The following PRSS50 variants were observed in gnomAD, a reference collection of about 807,000 sequenced individuals.
The protein encoded by PRSS50 is serine protease 50.
Under a neutral mutation model 34.2 loss-of-function variants are expected in PRSS50, and 23 were observed. That is an observed-to-expected ratio of 0.67 (90% CI 0.48 to 0.95). The LOEUF (loss-of-function observed/expected upper bound fraction) is 0.95. Among genes scored for constraint, PRSS50 ranks in the 40% least tolerant of loss-of-function variants. The pLI, the probability that PRSS50 is intolerant of heterozygous loss-of-function variation, is 0.00. For synonymous variants in PRSS50, 224 were observed against 211.2 expected (o/e 1.06, Z -0.53); for missense variants, 484 against 513.4 (o/e 0.94, Z 0.55).
Position 46,715,705 on chromosome 3 carries a change from G to A in PRSS50, c.308-8C>T, listed in dbSNP as rs111927665. 72 of 1,584,956 alleles carry A rather than the reference G, an allele frequency of 4.5e-5. No individual in the cohort carries two copies. The African/African-American group carries it at 5.4e-4, about 12-fold the overall frequency. ...CGTAGGAAAAGCCACAGGCTGAGGA[G>A]GAAGGTGAGAGCTTGATGAGGGATG... On this transcript the variant is annotated splice_polypyrimidine_tract_variant and splice_region_variant and intron_variant, in intron 2 of 5. Coordinates refer to ENST00000315170, the MANE Select transcript of PRSS50 (RefSeq NM_013270.5). This position sits in a 1 kb window ranked among gnomAD's most constrained non-coding sequence, Gnocchi z 5.2.
At position 46,716,347 on chromosome 3, in the gene PRSS50, C is replaced by T. The variant is rs1471022737; in HGVS notation, c.308-650G>A. ...CATTGTTCACTGTAACCTCAAACTC[C>T]TAGGCTCAAATGATCTTCCCACCTC... is the stretch of plus-strand genomic sequence containing the variant. On this transcript the variant is annotated intron_variant, in intron 2 of 5. Transcript: ENST00000315170. This position sits in a 1 kb window ranked among gnomAD's most constrained non-coding sequence, Gnocchi z 4.4. Among the ~76,000 whole-genome samples, 1 of 152,162 alleles carries T rather than the reference C, an allele frequency of 6.6e-6. No homozygotes were observed.
In PRSS50 at chr3:46,714,480, C is replaced by A; in HGVS notation, c.492G>T (p.Val164=). 1 of 1,602,180 alleles carries A rather than the reference C, an allele frequency of 6.2e-7. No homozygotes were observed. Reference sequence around the variant, plus strand: ...GGTCAATCCACGGACTCCCCACCCTCACTGAGTAGATAACATCACGCCTAG... The same window carrying A: ...GGTCAATCCACGGACTCCCCACCCTAACTGAGTAGATAACATCACGCCTAG... ...CLIWRDVIYS[V]RVGSPWIDQM... is the part of the protein sequence containing the mutation. Residue 164 remains valine (V), a synonymous_variant, in exon 4 of 6, where the codon GTG becomes GTT. Coordinates refer to ENST00000315170, the MANE Select transcript of PRSS50 (RefSeq NM_013270.5).
rs770264881 is a variant in PRSS50, at chr3:46,715,514, C to T, written c.470+21G>A. On this transcript the variant is annotated intron_variant, in intron 3 of 5. Transcript: ENST00000315170. The surrounding 1 kb of genome is among the most constrained non-coding windows in gnomAD (Gnocchi z 5.2). ...CAGCTCCAAATACCTCTCCACCCAC[C>T]CCACCTCAGCCTTGACTCACCAGAT... is the stretch of plus-strand genomic sequence containing the variant. 1 of 1,600,842 alleles carries T rather than the reference C, an allele frequency of 6.2e-7. No homozygotes were observed. The highest frequency in any genetic ancestry group is 8.6e-7 in the Non-Finnish European group (1 of 1,169,270).
In PRSS50 at chr3:46,714,503, TA is replaced by T. The variant is rs750426836; in HGVS notation, c.471-3del. ...CTCACTGAGTAGATAACATCACGCC[TA>T]GGGGGGCCGTGAGGGGAGGCCATGA... On this transcript the variant is annotated splice_polypyrimidine_tract_variant and splice_region_variant and intron_variant, in intron 3 of 5. Transcript: ENST00000315170. The T allele has an allele frequency of 1.1e-5, 17 of 1,575,660 alleles. No homozygotes were observed. Among genetic ancestry groups the T allele is most frequent in the African/African-American group, 8.1e-5 (6 of 74,318 alleles).
At chr3:46,712,822 C>T (rs1320708370) in intron 5 of PRSS50, 79 bp downstream of exon 5, 1 of 1,451,752 alleles carries the variant, frequency 6.9e-7, no homozygotes, top group East Asian at 2.4e-5. Flanking sequence ...TACCCAACCT[C>T]CACCGTTCCG....
rs541103621 is a variant in PRSS50, at chr3:46,714,510, G to T, written c.471-9C>A. On this transcript the variant is annotated splice_polypyrimidine_tract_variant and intron_variant, in intron 3 of 5. Transcript: ENST00000315170. ...AGTAGATAACATCACGCCTAGGGGG[G>T]CCGTGAGGGGAGGCCATGATCAGCT... The T allele has an allele frequency of 4.5e-6, 7 of 1,563,414 alleles. No homozygotes were observed. The African/African-American group carries it at 6.8e-5, about 15-fold the overall frequency.
intron 4 of PRSS50, among the ~76,000 whole-genome samples, chr3:46,713,693 C>A (rs916858024): frequency 4.6e-5 from 7 of 152,240 alleles, no homozygotes; most frequent in African/African-American, 1.7e-4. Flanking sequence ...TCTAGGGTCC[C>A]CTGGATGTTC....
chr3:46,717,674 G>A lies in PRSS50; in HGVS notation c.107-37C>T, dbSNP rs1182871194. On this transcript the variant is annotated intron_variant, in intron 1 of 5. Transcript: ENST00000315170. The surrounding 1 kb of genome is among the most constrained non-coding windows in gnomAD (Gnocchi z 4.5). ...GTCGAGCGGATTAGAGGTGGAAGGC[G>A]AGGGCCGCGTCAGGCGGGTGGGGTA... 1 of 1,604,504 alleles carries A rather than the reference G, an allele frequency of 6.2e-7. No individual in the cohort carries two copies. Among genetic ancestry groups the A allele is most frequent in the South Asian group, 1.1e-5 (1 of 89,856 alleles).
chr3:46,713,129 C>T (rs1157179097), intron 4 of PRSS50, 62 bp from the exon 5 acceptor site: 38 of 1,575,086 alleles, frequency 2.4e-5, no homozygotes, highest in Admixed American at 3.4e-5. Context: ...GCCAGCCTCA[C>T]TCGTCCTCTC....
rs531511173 is a variant in PRSS50 at position 46,715,243 on chromosome 3, C to A, written c.470+292G>T. On this transcript the variant is annotated intron_variant, in intron 3 of 5. Transcript: ENST00000315170. The surrounding 1 kb of genome is among the most constrained non-coding windows in gnomAD (Gnocchi z 5.2). ...GGGGGTGAAATGAAAGAACTAGGAG[C>A]TTCTTCCCGTGGAGAGGAGGCATGA... is the stretch of plus-strand genomic sequence containing the variant. Among the ~76,000 whole-genome samples, 42 of 152,328 alleles carry A rather than the reference C, an allele frequency of 2.8e-4. No homozygotes were observed. The East Asian group carries it at 2.9e-3, about 10-fold the overall frequency.
rs1447286047 is a variant in PRSS50, at chr3:46,714,329, C to T, written c.643G>A (p.Glu215Lys). Residue 215 changes from glutamate (E) to lysine (K), a missense_variant, in exon 4 of 6, where the codon GAA becomes AAA. Transcript: ENST00000315170. ...NDIGLLKLKQ[E>K]LKYSNYVRPI... ...CGCACGTAATTGCTGTACTTGAGTT[C>T]CTGCTTGAGCTTGAGGAGGCCGATG... The T allele has an allele frequency of 1.4e-5, 23 of 1,614,022 alleles. No homozygotes were observed. Among genetic ancestry groups the T allele is most frequent in the Non-Finnish European group, 1.9e-5 (23 of 1,180,052 alleles).
rs1700689220 is a variant in PRSS50 at position 46,716,732 on chromosome 3, A to G, written c.307+705T>C. Among the ~76,000 whole-genome samples the G allele has an allele frequency of 6.6e-6, 1 of 152,194 alleles. No homozygotes were observed. Among genetic ancestry groups the G allele is most frequent in the South Asian group, 2.1e-4 (1 of 4,830 alleles). On this transcript the variant is annotated intron_variant, in intron 2 of 5. Transcript: ENST00000315170. This position sits in a 1 kb window ranked among gnomAD's most constrained non-coding sequence, Gnocchi z 4.4. ...CCGCTTTGGAAAACAATTTCTCTAGATTGAAGATGCACATATCCAACATCT... is the reference window on the plus strand; with the variant it reads ...CCGCTTTGGAAAACAATTTCTCTAGGTTGAAGATGCACATATCCAACATCT...
At chr3:46,714,626 G>T in intron 3 of PRSS50, 125 bp from the exon 4 acceptor site, 1 of 1,057,964 alleles carries the variant, frequency 9.5e-7, no homozygotes, top group Non-Finnish European at 1.3e-6. Context: ...CCCGCTTCAA[G>T]CCCCCTGAGC....
At position 46,717,439 on chromosome 3, in the gene PRSS50, C is replaced by T. The variant is rs772366524; in HGVS notation, c.305G>A (p.Arg102His). 1.2e-6 allele frequency: 2 copies of T among 1,613,736 alleles called. No individual in the cohort carries two copies. Among genetic ancestry groups the T allele is most frequent in the Non-Finnish European group, 8.5e-7 (1 of 1,179,848 alleles). The change falls in exon 2 of 6, where the codon CGC (arginine) becomes CAC (histidine). Residue 102 changes from arginine to histidine, a missense_variant and splice_region_variant. By Grantham distance (29) the Arg-to-His change is conservative. Transcript: ENST00000315170. The surrounding 1 kb of genome is among the most constrained non-coding windows in gnomAD (Gnocchi z 4.5). ...GAGTCTACACCCCTGGTACTCACAG[C>T]GGTATGGGTCGACTTTGCCTTCAGA... ...PVSEGKVDPY[R>H]SCGFSYEQDP... is the part of the protein sequence containing the mutation.
intron 4 of PRSS50, 94 bp downstream of exon 4, chr3:46,714,124 G>A: frequency 1.4e-6 from 2 of 1,477,346 alleles, no homozygotes; most frequent in South Asian, 2.7e-5. Flanking sequence ...CCTGGGGAAG[G>A]TGCCTCAGAA....
chr3:46,714,623 C>T, intron 3 of PRSS50, 122 bp from the exon 4 acceptor site: 1 of 1,140,746 alleles, frequency 8.8e-7, no homozygotes, highest in South Asian at 1.6e-5. Flanking sequence ...CCACCCGCTT[C>T]AAGCCCCCTG....
In PRSS50 at chr3:46,717,752, G is replaced by A; in HGVS notation, c.73C>T (p.Leu25=). The A allele has an allele frequency of 6.3e-7, 1 of 1,591,932 alleles. No individual in the cohort carries two copies. Among genetic ancestry groups the A allele is most frequent in the Non-Finnish European group, 8.5e-7 (1 of 1,170,208 alleles). ...RTSAPSRAGA[L]LLLLLLLRSA... ...CTCAGCAACAGAAGCAGCAGCAGCA[G>A]GGCACCGGCGCGGGAGGGGGCAGAC... The change falls in exon 1 of 6, where the codon CTG becomes TTG. Residue 25 remains leucine (L), a synonymous_variant. Coordinates refer to ENST00000315170, the MANE Select transcript of PRSS50 (RefSeq NM_013270.5). This position sits in a 1 kb window ranked among gnomAD's most constrained non-coding sequence, Gnocchi z 4.5.
In PRSS50 at chr3:46,712,136, T is replaced by C. The variant is rs1042765276; in HGVS notation, c.*110A>G. ...AGGAGGCATGGAAAACAGTAATGTT[T>C]AATTGAGCACCTCATCTCCACCCTG... On this transcript the variant is annotated 3_prime_UTR_variant, in exon 6 of 6. Transcript: ENST00000315170. 23 of 978,114 alleles carry C rather than the reference T, an allele frequency of 2.4e-5. No homozygotes were observed. The highest frequency in any genetic ancestry group is 2.9e-5 in the Non-Finnish European group (19 of 661,510). The allele number at this position is 978,114 out of a possible 1,614,324, so 60.6% of individuals were successfully genotyped here.
In PRSS50 at chr3:46,712,454, G is replaced by A. The variant is rs1355490700; in HGVS notation, c.950C>T (p.Ser317Phe). ...YELTGEPLVC[S>F]MEGTWYLVGL... is the part of the protein sequence containing the mutation. ...CACCAGGTACCACGTGCCCTCCATG[G>A]AGCAGACCAAGGGCTCTCCAGTTAG... Residue 317 changes from serine to phenylalanine, a missense_variant, in exon 6 of 6, where the codon TCC becomes TTC. Coordinates refer to ENST00000315170, the MANE Select transcript of PRSS50 (RefSeq NM_013270.5). 4 of 1,614,064 alleles carry A rather than the reference G, an allele frequency of 2.5e-6. No individual in the cohort carries two copies. The highest frequency in any genetic ancestry group is 2.2e-5 in the East Asian group (1 of 44,872).
Sources: allele counts gnomAD v4.1 joint callset (sites outside exome capture counted in the v4.1 genomes callset), GRCh38; gene constraint gnomAD v4.1.1; non-coding constraint Gnocchi (gnomAD v3.1); transcripts MANE v1.5; gene names NCBI Gene and HGNC (gene_info 2026-07-23, HGNC 2026-07-21).